Variants in BBS4 observed in about 807,000 individuals in gnomAD.
The protein encoded by BBS4 is BBSome complex member BBS4.
A neutral mutation model predicts 71.4 loss-of-function variants in BBS4; 58 were observed. The ratio of observed to expected loss-of-function variants is 0.81; its 90% CI spans 0.66 to 1.01. The LOEUF (loss-of-function observed/expected upper bound fraction) is 1.01. Ranked by LOEUF, BBS4 falls within the 50% of genes least tolerant of loss-of-function variation. The pLI, the probability that BBS4 is intolerant of heterozygous loss-of-function variation, is 0.00. For missense variants in BBS4, 660 were observed against 607.9 expected (o/e 1.09, Z -0.90); for synonymous variants, 228 against 216.8 (o/e 1.05, Z -0.46).
Position 72,702,948 on chromosome 15 carries a change from C to G in BBS4, c.77-6752C>G, listed in dbSNP as rs942773983. Reference sequence around the variant, plus strand: ...TCAGCCTCCCAAGTAGCTGGGACTACAGGCGCCCGCCACTACGCCCGGCTA... The same window carrying G: ...TCAGCCTCCCAAGTAGCTGGGACTAGAGGCGCCCGCCACTACGCCCGGCTA... On this transcript the variant is annotated intron_variant, in intron 2 of 15. Coordinates refer to ENST00000268057, the MANE Select transcript of BBS4 (RefSeq NM_033028.5). Among the ~76,000 whole-genome samples, 8 of 149,908 alleles carry G rather than the reference C, an allele frequency of 5.3e-5. No individual in the cohort carries two copies. In the Admixed American group the frequency reaches 5.3e-4, roughly 10 times the overall value.
intron 2 of BBS4, among the ~76,000 whole-genome samples, chr15:72,705,730 T>C (rs2065253738): frequency 6.6e-6 from 1 of 151,420 alleles, no homozygotes; most frequent in Non-Finnish European, 1.5e-5. Context: ...TAGCTGGGAC[T>C]ACAGGCTTGT....
intron 4 of BBS4, among the ~76,000 whole-genome samples, chr15:72,713,809 A>G (rs946972480): frequency 2.0e-5 from 3 of 152,208 alleles, no homozygotes; most frequent in African/African-American, 7.2e-5. Flanking sequence ...AGTGATCATC[A>G]TCATTTATAC....
intron 4 of BBS4, 88 bp from the exon 5 acceptor site, chr15:72,715,203 T>C: frequency 1.1e-6 from 1 of 895,928 alleles, no homozygotes; most frequent in Non-Finnish European, 1.8e-6. Flanking sequence ...GGTTTCCCAG[T>C]TTTCTCTTCT....
chr15:72,734,431 GGTTAGT>G (rs2151052332), intron 12 of BBS4, among the ~76,000 whole-genome samples: 2 of 152,314 alleles, frequency 1.3e-5, no homozygotes, highest in South Asian at 4.1e-4. Flanking sequence ...TGTTAGTGGG[GGTTAGT>G]GTTAGAGAAT....
chr15:72,711,666 C>T (rs961268763), intron 3 of BBS4, among the ~76,000 whole-genome samples: 1 of 152,050 alleles, frequency 6.6e-6, no homozygotes, highest in South Asian at 2.1e-4. Context: ...AATAAAAAAA[C>T]CACTGTTAGC....
intron 15 of BBS4, 139 bp downstream of exon 15, chr15:72,737,102 C>CA: frequency 9.4e-7 from 1 of 1,063,690 alleles, no homozygotes; most frequent in Non-Finnish European, 1.4e-6. Context: ...AGAAAAAAAA[C>CA]ACAGGGTGGC....
At position 72,686,405 on chromosome 15, in the gene BBS4, C is replaced by G. The variant is rs1489680875; in HGVS notation, c.24+154C>G. The stretch of plus-strand genomic sequence containing the variant: ...CGACACGGTCCCCTTTTTACTGTCC[C>G]GGGAACTGGTCGCCTGGGGCAAGTC... On this transcript the variant is annotated intron_variant, in intron 1 of 15. Transcript: ENST00000268057. The G allele has an allele frequency of 4.6e-6, 7 of 1,535,054 alleles. No individual in the cohort carries two copies. In the Admixed American group the frequency reaches 1.2e-4, roughly 26 times the overall value.
At chr15:72,707,177 C>CTTTTTTTTTTTTT in intron 2 of BBS4, among the ~76,000 whole-genome samples, 1 of 132,448 alleles carries the variant, frequency 7.6e-6, no homozygotes, top group Non-Finnish European at 1.6e-5. Context: ...TTCCTTTTTT[C>CTTTTTTTTTTTTT]TTTTCTTTTT....
chr15:72,695,810 T>A (rs1446434593), intron 2 of BBS4, among the ~76,000 whole-genome samples: 1 of 152,200 alleles, frequency 6.6e-6, no homozygotes, highest in Non-Finnish European at 1.5e-5. Context: ...TTTGTGAAGT[T>A]CCAGGTATCT....
chr15:72,736,976 A>G lies in BBS4; in HGVS notation c.1450+13A>G, dbSNP rs747029347. The G allele has an allele frequency of 1.9e-6, 3 of 1,613,730 alleles. No individual in the cohort carries two copies. The highest frequency in any genetic ancestry group is 2.2e-5 in the East Asian group (1 of 44,888). ...ACGCTCCCCTCAGGTAGGACCATAC[A>G]GAGCTCCATGAAGACCTGGCAGGTA... On this transcript the variant is annotated intron_variant, in intron 15 of 15. Coordinates refer to ENST00000268057, the MANE Select transcript of BBS4 (RefSeq NM_033028.5).
intron 2 of BBS4, among the ~76,000 whole-genome samples, chr15:72,705,403 A>G (rs2065245580): frequency 6.6e-6 from 1 of 152,108 alleles, no homozygotes; most frequent in South Asian, 2.1e-4. Flanking sequence ...ATGGAACGAA[A>G]ATTAGCTTTT....
At chr15:72,687,153 T>C (rs1203988175) in intron 1 of BBS4, among the ~76,000 whole-genome samples, 3 of 82,594 alleles carry the variant, frequency 3.6e-5, no homozygotes, top group African/African-American at 1.2e-4. Flanking sequence ...GTGTCGCTGT[T>C]GTCGGCCCGG....
chr15:72,703,662 T>A (rs2065215249), intron 2 of BBS4, among the ~76,000 whole-genome samples: 1 of 152,136 alleles, frequency 6.6e-6, no homozygotes, highest in Non-Finnish European at 1.5e-5. Context: ...TGGTATTGAA[T>A]CAAGATTGAA....
intron 1 of BBS4, chr15:72,686,517 A>G (rs189287437): frequency 7.3e-6 from 11 of 1,507,620 alleles, no homozygotes; most frequent in Middle Eastern, 1.7e-4. Context: ...TTCACCAGTA[A>G]TGGCTCTTAC....
intron 2 of BBS4, among the ~76,000 whole-genome samples, chr15:72,699,678 A>G (rs930823910): frequency 6.6e-6 from 1 of 152,144 alleles, no homozygotes; most frequent in African/African-American, 2.4e-5. Context: ...GCCTGTATAA[A>G]TTGATTTTGA....
At chr15:72,715,200 C>A in intron 4 of BBS4, 91 bp from the exon 5 acceptor site, 1 of 859,828 alleles carries the variant, frequency 1.2e-6, no homozygotes, top group Non-Finnish European at 1.9e-6. Context: ...TGTGGTTTCC[C>A]AGTTTTCTCT....
At chr15:72,709,631 C>T in intron 2 of BBS4, 69 bp from the exon 3 acceptor site, 1 of 1,105,728 alleles carries the variant, frequency 9.0e-7, no homozygotes, top group East Asian at 2.4e-5. Flanking sequence ...TTAGTTTAGA[C>T]ATGAGGACAG....
rs1226328353 is a variant in BBS4, at chr15:72,729,669, C to G, written c.696C>G (p.Asp232Glu). 6.2e-7 allele frequency: 1 copy of G among 1,613,932 alleles called. No individual in the cohort carries two copies. Among genetic ancestry groups the G allele is most frequent in the Admixed American group, 1.7e-5 (1 of 59,998 alleles). The change falls in exon 10 of 16, where the codon GAC (aspartate) becomes GAG (glutamate). Residue 232 changes from aspartate (D) to glutamate (E), a missense_variant. Coordinates refer to ENST00000268057, the MANE Select transcript of BBS4 (RefSeq NM_033028.5). ...ATCTTGGCAATGCACTGACTTATGACCCTACCAACTACAAGGTATTACAGG... is the reference window on the plus strand; with the variant it reads ...ATCTTGGCAATGCACTGACTTATGAGCCTACCAACTACAAGGTATTACAGG... ...FEHLGNALTY[D>E]PTNYKAILAA...
intron 2 of BBS4, 42 bp from the exon 3 acceptor site, chr15:72,709,658 C>A: frequency 7.0e-7 from 1 of 1,434,576 alleles, no homozygotes; most frequent in Non-Finnish European, 9.8e-7. Flanking sequence ...AGGAGAAAAT[C>A]TAATGACTGT....
Sources: allele counts gnomAD v4.1 joint callset (sites outside exome capture counted in the v4.1 genomes callset), GRCh38; gene constraint gnomAD v4.1.1; transcripts MANE v1.5; gene names NCBI Gene and HGNC (gene_info 2026-07-23, HGNC 2026-07-21).